DOCK8: variants seen among roughly 807,000 people sequenced by gnomAD.
The protein encoded by DOCK8 is dedicator of cytokinesis protein 8.
Under a neutral mutation model 245.6 loss-of-function variants are expected in DOCK8, and 141 were observed. The observed-to-expected ratio is 0.57, with a 90% CI of 0.50 to 0.66. The LOEUF (loss-of-function observed/expected upper bound fraction) is 0.66, where lower values mean the gene tolerates loss of function less well. Ranked by LOEUF, DOCK8 falls within the 30% of genes least tolerant of loss-of-function variation. The pLI, the probability that DOCK8 is intolerant of heterozygous loss-of-function variation, is 0.00. For synonymous variants in DOCK8, 1,168 were observed against 970.2 expected (o/e 1.20, Z -3.79); for missense variants, 2,965 against 2,603.4 (o/e 1.14, Z -3.02).
intron 1 of DOCK8, among the ~76,000 whole-genome samples, chr9:242,167 A>G (rs1343651856): frequency 1.3e-5 from 2 of 152,168 alleles, no homozygotes; most frequent in Non-Finnish European, 2.9e-5. Context: ...ATGGTTCGTA[A>G]AGTTCATTTC....
rs191273969 is a variant in DOCK8, at chr9:215,989, C to T, written c.53+960C>T. ...AGCTGAGCCTGTGAAAGGTGGATTC[C>T]ACCGTAGGTTCATCTTTGTGCTGTT... On this transcript the variant is annotated intron_variant, in intron 1 of 47. Transcript: ENST00000432829. Among the ~76,000 whole-genome samples, 28 of 152,270 alleles carry T rather than the reference C, an allele frequency of 1.8e-4. 1 individual carries two copies. Among genetic ancestry groups the T allele is most frequent in the Middle Eastern group, 6.8e-3 (2 of 294 alleles).
chr9:406,938 C>G lies in DOCK8; in HGVS notation c.3399C>G (p.Ser1133Arg), dbSNP rs758349433. The G allele has an allele frequency of 2.5e-6, 4 of 1,613,990 alleles. No individual in the cohort carries two copies. In the South Asian group the frequency reaches 3.3e-5, roughly 13 times the overall value. ...PCPSISSQNS[S>R]SCSSFQDQKI... ...TCCTTACGTTTCTGTAGAACTCAAGCTCCTGCTCCAGCTTCCAGGACCAGA... is the reference window on the plus strand; with the variant it reads ...TCCTTACGTTTCTGTAGAACTCAAGGTCCTGCTCCAGCTTCCAGGACCAGA... The change falls in exon 28 of 48, where the codon AGC becomes AGG. Residue 1133 changes from serine to arginine, a missense_variant. Ser to Arg is a moderately radical substitution (Grantham distance 110, BLOSUM62 -1). Coordinates refer to ENST00000432829, the MANE Select transcript of DOCK8 (RefSeq NM_203447.4).
intron 13 of DOCK8, among the ~76,000 whole-genome samples, chr9:339,391 A>G (rs1586740641): frequency 6.6e-6 from 1 of 152,246 alleles, no homozygotes; most frequent in Admixed American, 6.5e-5. Context: ...ATAAAATATT[A>G]TACTTAGTAT....
chr9:372,260 C>A lies in DOCK8; in HGVS notation c.2083C>A (p.Pro695Thr), dbSNP rs2053323000. Residue 695 changes from proline (P) to threonine (T), a missense_variant, in exon 18 of 48, where the codon CCC becomes ACC. By Grantham distance (38) the Pro-to-Thr change is conservative (BLOSUM62 -1). Transcript: ENST00000432829. ...CLPVALEKLPPNYSMHSAEKV... is the reference protein window; with the variant it reads ...CLPVALEKLPTNYSMHSAEKV... ...CCCAGTTGCCTTGGAAAAATTGCCA[C>A]CCAACTACTCCATGCATTCTGCTGA... 1 of 1,614,046 alleles carries A rather than the reference C, an allele frequency of 6.2e-7. No homozygotes were observed. Among genetic ancestry groups the A allele is most frequent in the African/African-American group, 1.3e-5 (1 of 75,034 alleles).
chr9:256,519 C>G (rs776755884), intron 1 of DOCK8, among the ~76,000 whole-genome samples: 2 of 152,092 alleles, frequency 1.3e-5, no homozygotes, highest in Non-Finnish European at 2.9e-5. Flanking sequence ...TTCCTGGAAC[C>G]CATAAAGATG....
intron 1 of DOCK8, among the ~76,000 whole-genome samples, chr9:248,559 C>CTT (rs1491161834): frequency 4.1e-5 from 4 of 97,308 alleles, no homozygotes; most frequent in Non-Finnish European, 9.2e-5. Context: ...CTCTCTCTCT[C>CTT]TCTTTCTTTC....
intron 14 of DOCK8, among the ~76,000 whole-genome samples, chr9:341,264 C>A (rs2051576062): frequency 6.6e-6 from 1 of 152,212 alleles, no homozygotes; most frequent in Non-Finnish European, 1.5e-5. Context: ...GAAGGCCTAA[C>A]AGGTTGGGCT....
intron 39 of DOCK8, among the ~76,000 whole-genome samples, chr9:437,882 C>T (rs1209986821): frequency 6.6e-6 from 1 of 152,224 alleles, no homozygotes; most frequent in Non-Finnish European, 1.5e-5. Context: ...TCTGCAGAAT[C>T]CTTTTCCTCT....
chr9:289,404 C>G, intron 3 of DOCK8, 106 bp from the exon 4 acceptor site: 1 of 875,800 alleles, frequency 1.1e-6, no homozygotes, highest in Non-Finnish European at 1.9e-6. Context: ...TAAGCATTCT[C>G]ACTGATAAGG....
rs546790917 is a variant in DOCK8 at position 407,938 on chromosome 9, G to T, written c.3530+869G>T. On this transcript the variant is annotated intron_variant, in intron 28 of 47. Transcript: ENST00000432829. ...TGAGATTCAACACTTCTGGTGTTTA[G>T]ATTAGGCATACAGAATTGCAGGAAC... 2.6e-5 allele frequency among the ~76,000 whole-genome samples: 4 copies of T among 152,266 alleles called. No homozygotes were observed. In the East Asian group the frequency reaches 7.8e-4, roughly 30 times the overall value.
intron 7 of DOCK8, among the ~76,000 whole-genome samples, chr9:319,590 T>C (rs1237300044): frequency 2.0e-5 from 3 of 152,200 alleles, no homozygotes; most frequent in Non-Finnish European, 2.9e-5. Flanking sequence ...AAGGGTAATA[T>C]TAATGGCAAA....
At chr9:393,106 A>G (rs1456819678) in intron 24 of DOCK8, among the ~76,000 whole-genome samples, 19 of 150,202 alleles carry the variant, frequency 1.3e-4, no homozygotes, top group African/African-American at 4.0e-4. Context: ...AAAAAAAAAA[A>G]AAAAAAAAGA....
intron 7 of DOCK8, among the ~76,000 whole-genome samples, chr9:324,921 C>T (rs1277034814): frequency 2.0e-5 from 3 of 152,086 alleles, no homozygotes; most frequent in Non-Finnish European, 4.4e-5. Flanking sequence ...GCACCCGTCA[C>T]CCAAGCAGTG....
intron 4 of DOCK8, 48 bp from the exon 5 acceptor site, chr9:304,533 G>GCT: frequency 4.3e-6 from 7 of 1,611,598 alleles, no homozygotes; most frequent in Non-Finnish European, 5.9e-6. Context: ...ATGGTTTGCC[G>GCT]CTCTCTCTCC....
At chr9:247,997 G>T (rs1033853080) in intron 1 of DOCK8, among the ~76,000 whole-genome samples, 1 of 124,992 alleles carries the variant, frequency 8.0e-6, no homozygotes. Flanking sequence ...AAAAAAAAAA[G>T]AAACAAAGTT....
At chr9:283,447 C>T (rs544709555) in intron 2 of DOCK8, among the ~76,000 whole-genome samples, 2 of 152,258 alleles carry the variant, frequency 1.3e-5, no homozygotes, top group Admixed American at 6.5e-5. Flanking sequence ...AGTTTTGCTA[C>T]ATGAATATAC....
In DOCK8 at chr9:390,523, G is replaced by C. The variant is rs140711326; in HGVS notation, c.2927G>C (p.Arg976Thr). 1 of 1,614,066 alleles carries C rather than the reference G, an allele frequency of 6.2e-7. No homozygotes were observed. The highest frequency in any genetic ancestry group is 1.3e-5 in the African/African-American group (1 of 74,934). Residue 976 changes from arginine (R) to threonine (T), a missense_variant, in exon 24 of 48, where the codon AGA becomes ACA. By Grantham distance (71) the Arg-to-Thr change is moderately conservative. Transcript: ENST00000432829. ...ATGGTGGTCAGCACCGGAATGGTGA[G>C]AGAAACAGTCTTCAAGTATGCCTGG... The part of the protein sequence containing the change: ...LQMVVSTGMV[R>T]ETVFKYAWFF...
chr9:338,139 G>C (rs2051404379), intron 12 of DOCK8, among the ~76,000 whole-genome samples: 1 of 150,822 alleles, frequency 6.6e-6, no homozygotes, highest in Non-Finnish European at 1.5e-5. Flanking sequence ...GGGTGACAGA[G>C]TGAGGCTCCA....
intron 5 of DOCK8, among the ~76,000 whole-genome samples, chr9:308,122 G>T (rs762288355): frequency 6.6e-6 from 1 of 152,168 alleles, no homozygotes; most frequent in Non-Finnish European, 1.5e-5. Context: ...GGAGGAATAA[G>T]TTCTAGTATT....
Sources: gnomAD v4.1 joint callset for allele counts (sites outside exome capture counted in the v4.1 genomes callset) on GRCh38, gnomAD v4.1.1 for gene constraint, MANE v1.5 for transcripts, NCBI Gene and HGNC (gene_info 2026-07-23, HGNC 2026-07-21) for gene names.